TRAPPC9: variants seen among roughly 807,000 people sequenced by gnomAD.
TRAPPC9 encodes IKK2 binding protein.
In TRAPPC9, 83 loss-of-function variants were observed where a neutral mutation model predicts 124.0. The observed-to-expected ratio is 0.67, with a 90% CI of 0.56 to 0.80. TRAPPC9 has a LOEUF of 0.80. TRAPPC9 is among the 30% of genes least tolerant of loss of function. TRAPPC9 has a pLI of 0.00. For synonymous variants in TRAPPC9, 638 were observed against 617.5 expected, an observed-to-expected ratio of 1.03 and a Z score of -0.49; for missense variants, 1,302 against 1,508.3, an observed-to-expected ratio of 0.86 and a Z score of 2.27.
At chr8:139,806,684 C>T (rs1422736219) in intron 21 of TRAPPC9, among the ~76,000 whole-genome samples, 2 of 152,196 alleles carry the variant, frequency 1.3e-5, no homozygotes, top group Non-Finnish European at 2.9e-5. Flanking sequence ...CAGGCACCTG[C>T]TGTTCTGCTG....
At chr8:140,404,909 CGTGTGTGTGT>C (rs71320356) in intron 6 of TRAPPC9, among the ~76,000 whole-genome samples, 32 of 120,056 alleles carry the variant, frequency 2.7e-4, no homozygotes, top group African/African-American at 8.0e-4. Flanking sequence ...TGTGAGCATG[CGTGTGTGTGT>C]GTGTGTGTGT....
At chr8:139,754,517 C>T (rs1819567172) in intron 21 of TRAPPC9, among the ~76,000 whole-genome samples, 1 of 152,144 alleles carries the variant, frequency 6.6e-6, no homozygotes, top group African/African-American at 2.4e-5. Context: ...CAGACCCTTC[C>T]TGGGGTGACC....
chr8:139,836,653 T>C (rs1826377107), intron 21 of TRAPPC9, among the ~76,000 whole-genome samples: 1 of 152,198 alleles, frequency 6.6e-6, no homozygotes, highest in South Asian at 2.1e-4. Context: ...TGGGCGTGGC[T>C]TCCCGAGAGT....
intron 21 of TRAPPC9, among the ~76,000 whole-genome samples, chr8:139,813,372 C>T (rs1382583857): frequency 6.6e-6 from 1 of 152,274 alleles, no homozygotes; most frequent in Non-Finnish European, 1.5e-5. Context: ...AAGCAACACG[C>T]TGCAGTGCCT....
At chr8:139,970,574 G>T (rs954487682) in intron 19 of TRAPPC9, among the ~76,000 whole-genome samples, 1 of 152,112 alleles carries the variant, frequency 6.6e-6, no homozygotes, top group Non-Finnish European at 1.5e-5. Context: ...ACGGAGGGGC[G>T]CGGCTTCCCT....
At chr8:140,091,535 T>C (rs1297400839) in intron 17 of TRAPPC9, among the ~76,000 whole-genome samples, 1 of 152,196 alleles carries the variant, frequency 6.6e-6, no homozygotes, top group East Asian at 1.9e-4. Context: ...GGCACCGCAA[T>C]GTTACTACCA....
chr8:140,196,635 T>C (rs2062676429), intron 17 of TRAPPC9, among the ~76,000 whole-genome samples: 1 of 151,144 alleles, frequency 6.6e-6, no homozygotes, highest in African/African-American at 2.5e-5. Context: ...CACTCAACAA[T>C]CCACTGTACA....
chr8:140,006,362 G>T (rs1587475657), intron 18 of TRAPPC9, among the ~76,000 whole-genome samples: 1 of 152,130 alleles, frequency 6.6e-6, no homozygotes, highest in Non-Finnish European at 1.5e-5. Flanking sequence ...AACAAATATT[G>T]GCAAGAATGT....
intron 21 of TRAPPC9, among the ~76,000 whole-genome samples, chr8:139,736,150 T>A (rs1818151883): frequency 6.6e-6 from 1 of 152,204 alleles, no homozygotes; most frequent in African/African-American, 2.4e-5. Context: ...CGAGCACTCC[T>A]GCCACAGGCT....
intron 7 of TRAPPC9, among the ~76,000 whole-genome samples, chr8:140,389,842 C>CAAAAAAAAAAAA (rs397971049): frequency 1.1e-5 from 1 of 92,560 alleles, no homozygotes; most frequent in Non-Finnish European, 2.5e-5. Context: ...CAACAATAAC[C>CAAAAAAAAAAAA]AAAAAAAAAA....
At chr8:140,012,418 T>C (rs1407253195) in intron 18 of TRAPPC9, among the ~76,000 whole-genome samples, 1 of 152,212 alleles carries the variant, frequency 6.6e-6, no homozygotes, top group African/African-American at 2.4e-5. Context: ...GTAACATACC[T>C]GTAAAGACTG....
intron 19 of TRAPPC9, among the ~76,000 whole-genome samples, chr8:139,953,467 GGGT>G (rs1376713483): frequency 3.3e-5 from 5 of 152,200 alleles, no homozygotes; most frequent in Non-Finnish European, 7.3e-5. Context: ...ACTCCAGCCT[GGGT>G]GACAGAGCAA....
At chr8:140,346,038 AC>A (rs1438826304) in intron 9 of TRAPPC9, among the ~76,000 whole-genome samples, 2 of 152,236 alleles carry the variant, frequency 1.3e-5, no homozygotes, top group Admixed American at 6.5e-5. Flanking sequence ...GGCTTACGGG[AC>A]TGGAAGAGTT....
At chr8:139,756,063 C>G (rs1446389733) in intron 21 of TRAPPC9, among the ~76,000 whole-genome samples, 2 of 116,448 alleles carry the variant, frequency 1.7e-5, no homozygotes, top group South Asian at 3.2e-4. Flanking sequence ...GACAGCAGGT[C>G]GCAGGAGGAG....
Position 140,087,347 on chromosome 8 carries a change from G to A in TRAPPC9, c.2557-63268C>T, listed in dbSNP as rs1844259778. On this transcript the variant is annotated intron_variant, in intron 17 of 22. Transcript: ENST00000438773. The surrounding 1 kb of genome is among the most constrained non-coding windows in gnomAD (Gnocchi z 4.6). ...CCTCAGGAATGTCATCCAGGCCCAGGATTTTAAACGCTGCCTCTAAGCTGC... is the reference window on the plus strand; with the variant it reads ...CCTCAGGAATGTCATCCAGGCCCAGAATTTTAAACGCTGCCTCTAAGCTGC... Among the ~76,000 whole-genome samples, 1 of 151,956 alleles carries A rather than the reference G, an allele frequency of 6.6e-6. No homozygotes were observed. The highest frequency in any genetic ancestry group is 6.6e-5 in the Admixed American group (1 of 15,262).
At chr8:139,854,693 G>C (rs1441841516) in intron 21 of TRAPPC9, among the ~76,000 whole-genome samples, 2 of 152,234 alleles carry the variant, frequency 1.3e-5, no homozygotes. Flanking sequence ...AGTAGGTGCT[G>C]CTCTCATCCT....
chr8:139,775,636 A>G (rs1316436017), intron 21 of TRAPPC9, among the ~76,000 whole-genome samples: 2 of 152,274 alleles, frequency 1.3e-5, no homozygotes, highest in East Asian at 3.9e-4. Flanking sequence ...TCCCCCATAG[A>G]TATGGCCTGG....
chr8:140,437,159 TA>T lies in TRAPPC9; in HGVS notation c.730+1892del, dbSNP rs199622449. ...CTTTTTATTTTATTTTATTTTATTT[TA>T]TTTTGGTAGAAGTGAGGTCTCCCTA... On this transcript the variant is annotated intron_variant, in intron 3 of 22. Transcript: ENST00000438773. 1.6e-3 allele frequency among the ~76,000 whole-genome samples: 244 copies of T among 151,910 alleles called. 2 individuals are homozygous for T. Among genetic ancestry groups the T allele is most frequent in the African/African-American group, 5.6e-3 (233 of 41,462 alleles).
intron 21 of TRAPPC9, among the ~76,000 whole-genome samples, chr8:139,852,242 CCT>C (rs1326471755): frequency 1.3e-5 from 2 of 152,200 alleles, no homozygotes; most frequent in African/African-American, 4.8e-5. Context: ...TCCAATTAAA[CCT>C]CTTTCTTTTT....
Sources: allele counts gnomAD v4.1 joint callset (sites outside exome capture counted in the v4.1 genomes callset), GRCh38; gene constraint gnomAD v4.1.1; non-coding constraint Gnocchi (gnomAD v3.1); transcripts MANE v1.5; gene names NCBI Gene and HGNC (gene_info 2026-07-23, HGNC 2026-07-21).